The following SORCS3 variants were observed in gnomAD, a reference collection of about 807,000 sequenced individuals.
SORCS3 encodes VPS10 domain-containing receptor SorCS3.
In SORCS3, 57 loss-of-function variants were observed where a neutral mutation model predicts 146.3. That is an observed-to-expected ratio of 0.39 (90% CI 0.31 to 0.49). SORCS3 has a LOEUF of 0.49. SORCS3 is among the 20% of genes least tolerant of loss of function. The pLI is 0.92. For synonymous variants in SORCS3, 653 were observed against 618.5 expected, an observed-to-expected ratio of 1.06 and a Z score of -0.83; for missense variants, 1,341 against 1,575.5, an observed-to-expected ratio of 0.85 and a Z score of 2.52.
intron 9 of SORCS3, among the ~76,000 whole-genome samples, chr10:105,149,977 AC>A (rs1310392297): frequency 6.6e-6 from 1 of 152,216 alleles, no homozygotes; most frequent in African/African-American, 2.4e-5. Context: ...GACATAACAG[AC>A]AGGGCAACTT....
chr10:104,804,616 G>A lies in SORCS3; in HGVS notation c.628-38176G>A, dbSNP rs77734406. Among the ~76,000 whole-genome samples, 947 of 152,234 alleles carry A rather than the reference G, an allele frequency of 6.2e-3. 9 individuals carry two copies. Among genetic ancestry groups the A allele is most frequent in the African/African-American group, 0.022 (925 of 41,534 alleles). Reference sequence around the variant, plus strand: ...GTTAGCAGTAAAACCCATCAACCAGGGCATAGTGCAGTCCTGTTCCATGAG... The same window carrying A: ...GTTAGCAGTAAAACCCATCAACCAGAGCATAGTGCAGTCCTGTTCCATGAG... On this transcript the variant is annotated intron_variant, in intron 1 of 26. Coordinates refer to ENST00000369701, the MANE Select transcript of SORCS3 (RefSeq NM_014978.3).
intron 20 of SORCS3, among the ~76,000 whole-genome samples, chr10:105,232,613 G>A (rs1287830932): frequency 6.6e-6 from 1 of 150,772 alleles, no homozygotes; most frequent in African/African-American, 2.4e-5. Flanking sequence ...TCCTGAGATG[G>A]GAGGTTAGAT....
At chr10:104,687,567 G>A (rs1320024694) in intron 1 of SORCS3, among the ~76,000 whole-genome samples, 1 of 152,144 alleles carries the variant, frequency 6.6e-6, no homozygotes, top group Non-Finnish European at 1.5e-5. Flanking sequence ...TGGGGGTAGG[G>A]GTAGGGGATA....
rs191924087 is a variant in SORCS3 at position 104,837,743 on chromosome 10, A to G, written c.628-5049A>G. Among the ~76,000 whole-genome samples, 374 of 152,324 alleles carry G rather than the reference A, an allele frequency of 2.5e-3. 1 individual carries two copies. Among genetic ancestry groups the G allele is most frequent in the Non-Finnish European group, 3.5e-3 (237 of 68,026 alleles). On this transcript the variant is annotated intron_variant, in intron 1 of 26. Transcript: ENST00000369701. ...TTTAGCAGGTGTATTTCTAGTTCAC[A>G]TAAGAGGTACTCGGTAAATATTTGT...
At chr10:104,926,125 G>A (rs1379738843) in intron 3 of SORCS3, among the ~76,000 whole-genome samples, 1 of 152,174 alleles carries the variant, frequency 6.6e-6, no homozygotes, top group African/African-American at 2.4e-5. Flanking sequence ...CCTGCTTTCA[G>A]GCTTCCTTGG....
At chr10:105,254,070 T>C (rs1002473283) in intron 23 of SORCS3, among the ~76,000 whole-genome samples, 1 of 152,204 alleles carries the variant, frequency 6.6e-6, no homozygotes, top group African/African-American at 2.4e-5. Flanking sequence ...CATGTGGGAA[T>C]TACAGAGTGA....
At position 105,196,342 on chromosome 10, in the gene SORCS3, G is replaced by A. The variant is rs766854372; in HGVS notation, c.2010-3657G>A. On this transcript the variant is annotated intron_variant, in intron 14 of 26. Transcript: ENST00000369701. ...TCACAGGCCAGGTGTGGTCGCTCAC[G>A]CCTGTAATCCCAGCACTTTGGGAGG... 9.2e-5 allele frequency among the ~76,000 whole-genome samples: 14 copies of A among 152,310 alleles called. No homozygotes were observed. The East Asian group carries it at 2.1e-3, about 23-fold the overall frequency.
intron 4 of SORCS3, among the ~76,000 whole-genome samples, chr10:105,018,142 T>C (rs532663570): frequency 6.6e-5 from 10 of 152,294 alleles, no homozygotes; most frequent in Non-Finnish European, 1.5e-4. Context: ...ATTGTGCCAG[T>C]GTTGCTGTCT....
At chr10:104,954,530 ATTAAACTT>A (rs1349787140) in intron 3 of SORCS3, among the ~76,000 whole-genome samples, 1 of 152,208 alleles carries the variant, frequency 6.6e-6, no homozygotes, top group Admixed American at 6.5e-5. Flanking sequence ...CTGCTTGTTA[ATTAAACTT>A]GTTGATAATA....
At chr10:104,967,825 ATT>A (rs559676802) in intron 3 of SORCS3, among the ~76,000 whole-genome samples, 2 of 143,370 alleles carry the variant, frequency 1.4e-5, no homozygotes. Flanking sequence ...CACCAGACTA[ATT>A]TTTTTTTTTT....
chr10:104,942,690 GT>G (rs1684386776), intron 3 of SORCS3, among the ~76,000 whole-genome samples: 1 of 150,048 alleles, frequency 6.7e-6, no homozygotes. Flanking sequence ...AGAAAATCAT[GT>G]GATAATCTTA....
chr10:104,920,566 T>C (rs1289520081), intron 3 of SORCS3, among the ~76,000 whole-genome samples: 1 of 152,182 alleles, frequency 6.6e-6, no homozygotes, highest in African/African-American at 2.4e-5. Context: ...AAAATAGACT[T>C]TGATAAATTA....
At chr10:105,107,897 C>T (rs372966172) in intron 7 of SORCS3, among the ~76,000 whole-genome samples, 2 of 152,268 alleles carry the variant, frequency 1.3e-5, no homozygotes, top group African/African-American at 4.8e-5. Context: ...TGACCTTGAG[C>T]TGTGCATCAT....
At chr10:104,696,243 CATATG>C (rs1367276034) in intron 1 of SORCS3, among the ~76,000 whole-genome samples, 2 of 114,872 alleles carry the variant, frequency 1.7e-5, no homozygotes, top group African/African-American at 3.7e-5. Flanking sequence ...ATCATATACA[CATATG>C]ATATATGATA....
chr10:104,892,578 C>T (rs2018759228), intron 2 of SORCS3, among the ~76,000 whole-genome samples: 3 of 152,108 alleles, frequency 2.0e-5, no homozygotes, highest in Admixed American at 2.0e-4. Flanking sequence ...AAAAAATTAG[C>T]AGGGCGTGGT....
Position 104,940,220 on chromosome 10 carries a change from ATATATATATATATATATAT to A in SORCS3, c.795+24290_795+24308del, listed in dbSNP as rs1203410347. The stretch of plus-strand genomic sequence containing the variant: ...CCTTTTCTTTTATATATATATATAT[ATATATATATATATATATAT>A]TTTTTTTTTTTTTTTTATTATACTT... On this transcript the variant is annotated intron_variant, in intron 3 of 26. Coordinates refer to ENST00000369701, the MANE Select transcript of SORCS3 (RefSeq NM_014978.3). Among the ~76,000 whole-genome samples, 74 of 14,188 alleles carry A rather than the reference ATATATATATATATATATAT, an allele frequency of 5.2e-3. 4 individuals are homozygous for A. Among genetic ancestry groups the A allele is most frequent in the Admixed American group, 0.024 (37 of 1,526 alleles). The allele number at this position is 14,188 out of a possible 152,430, so 9.3% of individuals were successfully genotyped here. A position where few individuals can be genotyped will look rare whatever the true frequency, so the allele number is the denominator to read the frequency against.
chr10:105,170,979 T>C (rs1324875393), intron 13 of SORCS3, among the ~76,000 whole-genome samples: 1 of 152,130 alleles, frequency 6.6e-6, no homozygotes, highest in Non-Finnish European at 1.5e-5. Context: ...ATAGGTTAGG[T>C]AATCAGTTCA....
At chr10:104,842,422 G>A (rs909045926) in intron 1 of SORCS3, among the ~76,000 whole-genome samples, 1 of 152,134 alleles carries the variant, frequency 6.6e-6, no homozygotes, top group African/African-American at 2.4e-5. Flanking sequence ...TGGATCAAAA[G>A]CAAGCCTATC....
chr10:105,016,134 A>ATATAT (rs2055164499), intron 4 of SORCS3, among the ~76,000 whole-genome samples: 3 of 113,694 alleles, frequency 2.6e-5, no homozygotes, highest in Non-Finnish European at 5.1e-5. Flanking sequence ...ATATTATATA[A>ATATAT]ATATATATAT....
Sources: gnomAD v4.1 joint callset for allele counts (sites outside exome capture counted in the v4.1 genomes callset) on GRCh38, gnomAD v4.1.1 for gene constraint, MANE v1.5 for transcripts, NCBI Gene and HGNC (gene_info 2026-07-23, HGNC 2026-07-21) for gene names.